Variants in ERMN observed in about 807,000 individuals in gnomAD.
The protein encoded by ERMN is ermin, ERM-like protein.
In ERMN, 17 loss-of-function variants were observed where a neutral mutation model predicts 21.4. The ratio of observed to expected loss-of-function variants is 0.80; its 90% confidence interval spans 0.54 to 1.19. The LOEUF is 1.19. Among genes scored for constraint, ERMN ranks in the 50% most tolerant of loss-of-function variants. The probability of loss-of-function intolerance (pLI) is 0.00; values close to 1 mark genes in which losing one functional copy is unlikely to be tolerated. For synonymous variants in ERMN, 115 were observed against 111.9 expected (o/e 1.03, Z -0.17); for missense variants, 348 against 331.6 (o/e 1.05, Z -0.38).
rs376770964 is a variant in ERMN, at chr2:157,321,773, A to G, written c.353T>C (p.Ile118Thr). 1.7e-4 allele frequency: 275 copies of G among 1,609,876 alleles called. No individual in the cohort carries two copies. The highest frequency in any genetic ancestry group is 2.2e-4 in the Non-Finnish European group (265 of 1,178,920). Reference sequence around the variant, plus strand: ...TTCCTGGTTACTGCCACTCAGAGGAATCTTCTCCCACTGATGCCCTGTAGC... The same window carrying G: ...TTCCTGGTTACTGCCACTCAGAGGAGTCTTCTCCCACTGATGCCCTGTAGC... ...TFREGHQWEK[I>T]PLSGSNQEIR... Residue 118 changes from isoleucine to threonine, a missense_variant, in exon 3 of 3, where the codon ATT (isoleucine) becomes ACT (threonine). Physicochemically the swap from Ile to Thr is moderately conservative, Grantham distance 89. Coordinates refer to ENST00000410096, the MANE Select transcript of ERMN (RefSeq NM_020711.3).
intron 2 of ERMN, among the ~76,000 whole-genome samples, chr2:157,322,503 A>G (rs1683937790): frequency 1.3e-5 from 2 of 152,218 alleles, no homozygotes; most frequent in Non-Finnish European, 1.5e-5. Flanking sequence ...TGGTGTACAC[A>G]ACTCAGAAAT....
At position 157,324,777 on chromosome 2, in the gene ERMN, T is replaced by C. The variant is rs758559901; in HGVS notation, c.242-15A>G. 6.5e-7 allele frequency: 1 copy of C among 1,542,994 alleles called. No homozygotes were observed. Among genetic ancestry groups the C allele is most frequent in the South Asian group, 1.2e-5 (1 of 85,896 alleles). On this transcript the variant is annotated splice_polypyrimidine_tract_variant and intron_variant, in intron 1 of 2. Transcript: ENST00000410096. ...TTCTGGGTTTTCTAGGAAAAAAATATAAAATCAGTATTTTAACATTTAAAA... is the reference window on the plus strand; with the variant it reads ...TTCTGGGTTTTCTAGGAAAAAAATACAAAATCAGTATTTTAACATTTAAAA...
In ERMN at chr2:157,321,231, T is replaced by C; in HGVS notation, c.*40A>G. 1 of 1,579,432 alleles carries C rather than the reference T, an allele frequency of 6.3e-7. No individual in the cohort carries two copies. The highest frequency in any genetic ancestry group is 8.6e-7 in the Non-Finnish European group (1 of 1,164,780). On this transcript the variant is annotated 3_prime_UTR_variant, in exon 3 of 3. Transcript: ENST00000410096. ...CACCCTGGGGCAATAGAATTAGCTT[T>C]TCCTTTAGTGGGCATGAGAATTTCT...
At chr2:157,327,314 G>A (rs1574050883), upstream of ERMN, 1 of 603,454 alleles carries the variant, frequency 1.7e-6, no homozygotes, top group East Asian at 2.8e-5. Flanking sequence ...ATCTCTAATA[G>A]ATCCTAGATC....
At position 157,320,797 on chromosome 2, in the gene ERMN, C is replaced by T. The variant is rs1232821334; in HGVS notation, c.*474G>A. On this transcript the variant is annotated 3_prime_UTR_variant, in exon 3 of 3. Coordinates refer to ENST00000410096, the MANE Select transcript of ERMN (RefSeq NM_020711.3). Reference sequence around the variant, plus strand: ...AGAAAAGGCACAGAATTTTGGAAGGCTTATTGCCAGAGTCTGCAAAATCAA... The same window carrying T: ...AGAAAAGGCACAGAATTTTGGAAGGTTTATTGCCAGAGTCTGCAAAATCAA... 6.5e-6 allele frequency: 1 copy of T among 154,122 alleles called. No homozygotes were observed. Among genetic ancestry groups the T allele is most frequent in the African/African-American group, 2.4e-5 (1 of 41,442 alleles). The allele number at this position is 154,122 out of a possible 1,614,324, so 9.5% of individuals were successfully genotyped here. A position where few individuals can be genotyped will look rare whatever the true frequency, so the allele number is the denominator to read the frequency against.
At chr2:157,324,093 T>TAC (rs61547889) in intron 2 of ERMN, 4,092 of 165,956 alleles carry the variant, frequency 0.025, 53 homozygotes, top group African/African-American at 0.038. Context: ...CTACTAAAAA[T>TAC]ACACACACAC....
chr2:157,321,192 G>A lies in ERMN; in HGVS notation c.*79C>T. 6.6e-7 allele frequency: 1 copy of A among 1,514,936 alleles called. No homozygotes were observed. Among genetic ancestry groups the A allele is most frequent in the Non-Finnish European group, 8.8e-7 (1 of 1,139,280 alleles). 93.8% of individuals were successfully genotyped at this position (1,514,936 alleles called of 1,614,324 possible). A position where few individuals can be genotyped will look rare whatever the true frequency, so the allele number is the denominator to read the frequency against. ...TCCCTCCAAGTGATAACTCAAATAA[G>A]GCATAGAAATATGCACCCTGGGGCA... On this transcript the variant is annotated 3_prime_UTR_variant, in exon 3 of 3. Transcript: ENST00000410096.
Position 157,324,662 on chromosome 2 carries a change from C to T in ERMN, c.334+8G>A. 6.2e-7 allele frequency: 1 copy of T among 1,602,898 alleles called. No individual in the cohort carries two copies. ...AATTTCTGTGTACAAAACTGTAGTT[C>T]TTGTTACCTTCTCTGAATGTCATTT... On this transcript the variant is annotated splice_region_variant and intron_variant, in intron 2 of 2. Transcript: ENST00000410096.
At position 157,325,554 on chromosome 2, in the gene ERMN, C is replaced by T. The variant is rs754533451; in HGVS notation, c.89G>A (p.Ser30Asn). ...ENGQQTITKISEELTDVDSPL... is the reference protein window; with the variant it reads ...ENGQQTITKINEELTDVDSPL... ...GCTGTCCACATCAGTCAATTCCTCA[C>T]TGATTTTAGTGATTGTTTGTTGACC... is the stretch of plus-strand genomic sequence containing the variant. Residue 30 changes from serine (S) to asparagine (N), a missense_variant, in exon 1 of 3, where the codon AGT becomes AAT. Ser to Asn is a conservative substitution (Grantham distance 46). Transcript: ENST00000410096. The T allele has an allele frequency of 5.6e-6, 9 of 1,614,042 alleles. No homozygotes were observed. The highest frequency in any genetic ancestry group is 7.6e-6 in the Non-Finnish European group (9 of 1,180,032).
chr2:157,326,275 C>A (rs1257095819), upstream of ERMN, among the ~76,000 whole-genome samples: 1 of 152,210 alleles, frequency 6.6e-6, no homozygotes, highest in Non-Finnish European at 1.5e-5. Context: ...ATAAACAGGA[C>A]AACTTTACTG....
At chr2:157,326,725 C>T (rs950533763), upstream of ERMN, among the ~76,000 whole-genome samples, 1 of 152,108 alleles carries the variant, frequency 6.6e-6, no homozygotes, top group Non-Finnish European at 1.5e-5. Flanking sequence ...ATGTGAAATG[C>T]CCTTCTCTTC....
In ERMN at chr2:157,324,711, G is replaced by A; in HGVS notation, c.293C>T (p.Ser98Phe). 6.2e-7 allele frequency: 1 copy of A among 1,613,656 alleles called. No homozygotes were observed. The highest frequency in any genetic ancestry group is 8.5e-7 in the Non-Finnish European group (1 of 1,179,718). ...FIVHKAITDL[S>F]LQETSADEMT... is the part of the protein sequence containing the mutation. ...TTCATCAGCACTAGTTTCTTGGAGA[G>A]AAAGATCTGTGATAGCCTTATGAAC... The change falls in exon 2 of 3, where the codon TCT becomes TTT. Residue 98 changes from serine (S) to phenylalanine (F), a missense_variant. Ser to Phe is a radical substitution (Grantham distance 155). Transcript: ENST00000410096.
At chr2:157,326,152 C>G (rs1412370768), upstream of ERMN, among the ~76,000 whole-genome samples, 1 of 152,220 alleles carries the variant, frequency 6.6e-6, no homozygotes, top group Admixed American at 6.5e-5. Flanking sequence ...TCTGTGTAAC[C>G]AGCTTAACAT....
In ERMN at chr2:157,321,739, T is replaced by C. The variant is rs1683912837; in HGVS notation, c.387A>G (p.Arg129=). 1 of 1,613,344 alleles carries C rather than the reference T, an allele frequency of 6.2e-7. No homozygotes were observed. The highest frequency in any genetic ancestry group is 1.7e-5 in the Admixed American group (1 of 59,968). Residue 129 remains arginine, a synonymous_variant, in exon 3 of 3, where the codon AGA becomes AGG. Coordinates refer to ENST00000410096, the MANE Select transcript of ERMN (RefSeq NM_020711.3). ...PLSGSNQEIR[R]QKERITEQPL... is the part of the protein sequence containing the mutation. ...GCTGCTCAGTAATCCTCTCCTTCTG[T>C]CTTCTTATTTCCTGGTTACTGCCAC...
In ERMN at chr2:157,325,450, G is replaced by C; in HGVS notation, c.193C>G (p.Gln65Glu). The C allele has an allele frequency of 6.2e-7, 1 of 1,614,154 alleles. No homozygotes were observed. The highest frequency in any genetic ancestry group is 8.5e-7 in the Non-Finnish European group (1 of 1,180,014). Reference sequence around the variant, plus strand: ...GATGAGTTGAGCAGCATGTTCCCTTGTAATTTTCTTCTTTCCTCCTGACTT... The same window carrying C: ...GATGAGTTGAGCAGCATGTTCCCTTCTAATTTTCTTCTTTCCTCCTGACTT... ...KGSQEERRKL[Q>E]GNMLLNSSME... Residue 65 changes from glutamine to glutamate, a missense_variant, in exon 1 of 3, where the codon CAA becomes GAA. Coordinates refer to ENST00000410096, the MANE Select transcript of ERMN (RefSeq NM_020711.3).
At chr2:157,326,643 T>C (rs1404141861), upstream of ERMN, among the ~76,000 whole-genome samples, 1 of 152,158 alleles carries the variant, frequency 6.6e-6, no homozygotes, top group Admixed American at 6.5e-5. Flanking sequence ...CCTTCCTTTT[T>C]AAATCTTTTT....
At chr2:157,325,289 A>T in intron 1 of ERMN, 113 bp downstream of exon 1, 1 of 1,380,308 alleles carries the variant, frequency 7.2e-7, no homozygotes, top group Non-Finnish European at 1.0e-6. Context: ...GTAGTAGAAT[A>T]AAGGGCTACA....
Position 157,325,645 on chromosome 2 carries a change from T to C in ERMN, c.-3A>G, listed in dbSNP as rs749755345. The C allele has an allele frequency of 3.7e-6, 6 of 1,614,194 alleles. No individual in the cohort carries two copies. The highest frequency in any genetic ancestry group is 5.1e-6 in the Non-Finnish European group (6 of 1,180,016). On this transcript the variant is annotated 5_prime_UTR_variant, in exon 1 of 3. Coordinates refer to ENST00000410096, the MANE Select transcript of ERMN (RefSeq NM_020711.3). ...AATGTAGCCGGAACATCTGTCATGA[T>C]GTGCGGTTGAATCCGATCTGGAGAG...
chr2:157,323,726 G>A (rs1467994308), intron 2 of ERMN, among the ~76,000 whole-genome samples: 2 of 152,146 alleles, frequency 1.3e-5, no homozygotes, highest in African/African-American at 4.8e-5. Flanking sequence ...TTTGGGAACT[G>A]TTTAAATGTA....
Sources: allele counts gnomAD v4.1 joint callset (sites outside exome capture counted in the v4.1 genomes callset), GRCh38; gene constraint gnomAD v4.1.1; transcripts MANE v1.5; gene names NCBI Gene and HGNC (gene_info 2026-07-23, HGNC 2026-07-21).